Variants in DRD2 observed in about 807,000 individuals in gnomAD.
DRD2 encodes the protein D(2) dopamine receptor.
A neutral mutation model predicts 38.0 loss-of-function variants in DRD2; 8 were observed. The observed-to-expected ratio is 0.21, with a 90% CI of 0.12 to 0.38. The LOEUF (loss-of-function observed/expected upper bound fraction) is 0.38, where lower values mean the gene tolerates loss of function less well. Ranked by LOEUF, DRD2 falls within the 10% of genes least tolerant of loss-of-function variation. The pLI is 1.00. For synonymous variants in DRD2, 230 were observed against 238.6 expected, an observed-to-expected ratio of 0.96 and a Z score of 0.33; for missense variants, 403 against 607.7, an observed-to-expected ratio of 0.66 and a Z score of 3.54.
chr11:113,437,908 A>G (rs1951053702), intron 1 of DRD2, among the ~76,000 whole-genome samples: 1 of 152,194 alleles, frequency 6.6e-6, no homozygotes, highest in East Asian at 1.9e-4. Context: ...ACATGGGCAC[A>G]ACAGGGAAGA....
chr11:113,456,546 T>C (rs1951269835), intron 1 of DRD2, among the ~76,000 whole-genome samples: 1 of 152,202 alleles, frequency 6.6e-6, no homozygotes, highest in Admixed American at 6.5e-5. Flanking sequence ...TCAATTATTA[T>C]TTTTCAATAA....
Position 113,412,530 on chromosome 11 carries a change from G to A in DRD2, c.1138+26C>T, listed in dbSNP as rs201867043. 23 of 1,608,414 alleles carry A rather than the reference G, an allele frequency of 1.4e-5. No homozygotes were observed. The Admixed American group carries it at 1.5e-4, about 10-fold the overall frequency. On this transcript the variant is annotated intron_variant, in intron 7 of 7. Coordinates refer to ENST00000362072, the MANE Select transcript of DRD2 (RefSeq NM_000795.4). ...AATGGGACCTTTCACAGACCGGGCT[G>A]TGGCCAGCAGCCAGGGCCGACTCAC...
rs373407666 is a variant in DRD2, at chr11:113,458,887, C to T, written c.-32+16189G>A. ...TCTTATGTGAGGTCATTATCGACCTCACATGCTGGGGGCAGCGATGGGGCA... is the reference window on the plus strand; with the variant it reads ...TCTTATGTGAGGTCATTATCGACCTTACATGCTGGGGGCAGCGATGGGGCA... On this transcript the variant is annotated intron_variant, in intron 1 of 7. Transcript: ENST00000362072. 1.2e-4 allele frequency among the ~76,000 whole-genome samples: 19 copies of T among 152,210 alleles called. No homozygotes were observed. In the East Asian group the frequency reaches 3.1e-3, roughly 25 times the overall value.
chr11:113,455,780 T>C (rs1472414262), intron 1 of DRD2, among the ~76,000 whole-genome samples: 1 of 152,178 alleles, frequency 6.6e-6, no homozygotes, highest in East Asian at 1.9e-4. Flanking sequence ...AAAAATATGG[T>C]AGACCACAAA....
intron 1 of DRD2, among the ~76,000 whole-genome samples, chr11:113,444,862 G>A (rs1326733381): frequency 6.6e-6 from 1 of 152,232 alleles, no homozygotes; most frequent in Non-Finnish European, 1.5e-5. Context: ...GTAGGAAAGA[G>A]GGTGCACATT....
intron 1 of DRD2, among the ~76,000 whole-genome samples, chr11:113,431,071 C>G (rs1250641823): frequency 6.6e-6 from 1 of 152,188 alleles, no homozygotes; most frequent in Admixed American, 6.5e-5. Context: ...TCATCTCCAT[C>G]TTTCTCCCAG....
At chr11:113,471,153 C>T (rs1431697367) in intron 1 of DRD2, among the ~76,000 whole-genome samples, 1 of 152,200 alleles carries the variant, frequency 6.6e-6, no homozygotes, top group African/African-American at 2.4e-5. Context: ...TATAATCAAG[C>T]TATTTTCCAG....
intron 2 of DRD2, among the ~76,000 whole-genome samples, chr11:113,422,737 G>T (rs1950897437): frequency 6.6e-6 from 1 of 152,172 alleles, no homozygotes; most frequent in African/African-American, 2.4e-5. Context: ...TGGGCCCGGG[G>T]TGGTGGTGAG....
chr11:113,465,014 C>T (rs1951354640), intron 1 of DRD2, among the ~76,000 whole-genome samples: 1 of 152,164 alleles, frequency 6.6e-6, no homozygotes, highest in African/African-American at 2.4e-5. Flanking sequence ...ATCAGGCTGC[C>T]AGCATTGCTG....
chr11:113,412,951 T>C, intron 6 of DRD2, 68 bp from the exon 7 acceptor site: 5 of 1,509,530 alleles, frequency 3.3e-6, no homozygotes, highest in Admixed American at 3.9e-5. Context: ...CCCATCTCAC[T>C]GGCCCCTCCC....
In DRD2 at chr11:113,412,831, C is replaced by G. The variant is rs778422620; in HGVS notation, c.863G>C (p.Ser288Thr). 1.2e-6 allele frequency: 2 copies of G among 1,613,090 alleles called. No individual in the cohort carries two copies. Among genetic ancestry groups the G allele is most frequent in the South Asian group, 2.2e-5 (2 of 90,998 alleles). The change falls in exon 7 of 8, where the codon AGC becomes ACC. Residue 288 changes from serine (S) to threonine (T), a missense_variant. Coordinates refer to ENST00000362072, the MANE Select transcript of DRD2 (RefSeq NM_000795.4). ...ELEMEMLSST[S>T]PPERTRYSPI... ...GCTGTACCGGGTCCTCTCGGGTGGG[C>G]TGGTGCTGGAGAGCATCTCCATCTC...
At position 113,410,447 on chromosome 11, in the gene DRD2, TA is replaced by T. The variant is rs1950757345; in HGVS notation, c.*279del. On this transcript the variant is annotated 3_prime_UTR_variant, in exon 8 of 8. Transcript: ENST00000362072. ...GCGGCTGCATCTTTGGTGCCAAGGA[TA>T]GGGGGACTGGAGGTGGGAGGGGGGA... 5 of 539,952 alleles carry T rather than the reference TA, an allele frequency of 9.3e-6. No individual in the cohort carries two copies. The highest frequency in any genetic ancestry group is 6.1e-5 in the South Asian group (3 of 49,232). The allele number at this position is 539,952 out of a possible 1,614,324, so 33.4% of individuals were successfully genotyped here.
chr11:113,409,621 G>C lies in DRD2; in HGVS notation c.*1106C>G, dbSNP rs766691054. 1 of 152,696 alleles carries C rather than the reference G, an allele frequency of 6.5e-6. No individual in the cohort carries two copies. Among genetic ancestry groups the C allele is most frequent in the Admixed American group, 6.5e-5 (1 of 15,290 alleles). 9.5% of individuals were successfully genotyped at this position (152,696 alleles called of 1,614,324 possible). A position where few individuals can be genotyped will look rare whatever the true frequency, so the allele number is the denominator to read the frequency against. On this transcript the variant is annotated 3_prime_UTR_variant, in exon 8 of 8. Transcript: ENST00000362072. ...ACCCAGGGGTCCTGGAAGGTGACTC[G>C]TCAAAGTTTTATTAGTTTGGTGCAT...
Position 113,439,224 on chromosome 11 carries a change from C to T in DRD2, c.-31-14542G>A, listed in dbSNP as rs116367631. 5.8e-3 allele frequency among the ~76,000 whole-genome samples: 890 copies of T among 152,274 alleles called. 9 individuals carry two copies. The highest frequency in any genetic ancestry group is 0.02 in the African/African-American group (851 of 41,542). On this transcript the variant is annotated intron_variant, in intron 1 of 7. Coordinates refer to ENST00000362072, the MANE Select transcript of DRD2 (RefSeq NM_000795.4). Reference sequence around the variant, plus strand: ...CTTAATGGGCAGAGTTTGTCTTAAACCTATGTGTATCTTTAGCATCTCCTA... The same window carrying T: ...CTTAATGGGCAGAGTTTGTCTTAAATCTATGTGTATCTTTAGCATCTCCTA...
chr11:113,444,915 T>A (rs955513774), intron 1 of DRD2, among the ~76,000 whole-genome samples: 1 of 152,214 alleles, frequency 6.6e-6, no homozygotes, highest in East Asian at 1.9e-4. Flanking sequence ...ACTAAACAGA[T>A]GAACTTCCTG....
chr11:113,462,269 G>T (rs748218672), intron 1 of DRD2, among the ~76,000 whole-genome samples: 1 of 152,168 alleles, frequency 6.6e-6, no homozygotes, highest in Non-Finnish European at 1.5e-5. Flanking sequence ...CAGGAGTAAA[G>T]AGTGTTCCCC....
intron 1 of DRD2, among the ~76,000 whole-genome samples, chr11:113,457,909 C>T (rs1951282005): frequency 6.6e-6 from 1 of 152,266 alleles, no homozygotes; most frequent in Admixed American, 6.5e-5. Context: ...AACCTAACAG[C>T]AGCCTCTTGT....
intron 1 of DRD2, among the ~76,000 whole-genome samples, chr11:113,441,927 G>A (rs557404342): frequency 7.4e-5 from 11 of 148,628 alleles, no homozygotes; most frequent in African/African-American, 2.7e-4. Flanking sequence ...CAGGCTGGGT[G>A]ACAGAGTGAG....
chr11:113,414,514 G>T, intron 5 of DRD2, 53 bp from the exon 6 acceptor site: 2 of 1,588,330 alleles, frequency 1.3e-6, no homozygotes, highest in Non-Finnish European at 1.7e-6. Context: ...ATGGAGGGGG[G>T]ACAGAAACCC....
Sources: gnomAD v4.1 joint callset for allele counts (sites outside exome capture counted in the v4.1 genomes callset) on GRCh38, gnomAD v4.1.1 for gene constraint, MANE v1.5 for transcripts, NCBI Gene and HGNC (gene_info 2026-07-23, HGNC 2026-07-21) for gene names.